The following ELMO1 variants were observed in gnomAD, a reference collection of about 807,000 sequenced individuals.
The protein encoded by ELMO1 is engulfment and cell motility protein 1.
ELMO1 carries 26 observed loss-of-function variants against 98.9 expected under a neutral mutation model. That is an observed-to-expected ratio of 0.26 (90% CI 0.19 to 0.36). ELMO1 has a LOEUF of 0.36. Among genes scored for constraint, ELMO1 ranks in the 10% least tolerant of loss-of-function variants. The pLI is 1.00. For missense variants in ELMO1, 627 were observed against 935.2 expected, an observed-to-expected ratio of 0.67 and a Z score of 4.30; for synonymous variants, 346 against 346.0, an observed-to-expected ratio of 1.00 and a Z score of 0.00.
At chr7:37,025,240 A>C (rs1203613043) in intron 15 of ELMO1, among the ~76,000 whole-genome samples, 3 of 152,222 alleles carry the variant, frequency 2.0e-5, no homozygotes, top group Admixed American at 1.3e-4. Context: ...AACAACAATG[A>C]AAAAATTTTT....
chr7:36,869,444 T>A (rs909276296), intron 20 of ELMO1, among the ~76,000 whole-genome samples: 1 of 152,164 alleles, frequency 6.6e-6, no homozygotes, highest in Admixed American at 6.5e-5. Flanking sequence ...AATTACACAG[T>A]GGAAACTATT....
At chr7:37,065,179 C>G (rs1013111439) in intron 15 of ELMO1, among the ~76,000 whole-genome samples, 2 of 151,508 alleles carry the variant, frequency 1.3e-5, no homozygotes, top group African/African-American at 4.9e-5. Flanking sequence ...TCATGGCTAC[C>G]CCCACCCTTT....
chr7:37,240,380 T>C (rs563213449), intron 7 of ELMO1, among the ~76,000 whole-genome samples: 56 of 152,338 alleles, frequency 3.7e-4, no homozygotes, highest in African/African-American at 1.3e-3. Context: ...GTATGATTTG[T>C]AGTGATATTC....
chr7:36,957,194 T>C (rs1247479344), intron 16 of ELMO1, among the ~76,000 whole-genome samples: 1 of 152,212 alleles, frequency 6.6e-6, no homozygotes, highest in Non-Finnish European at 1.5e-5. Context: ...AGTCGCTGAG[T>C]GGTGATTTCC....
chr7:37,033,508 A>G (rs1050446695), intron 15 of ELMO1: 1 of 406,212 alleles, frequency 2.5e-6, no homozygotes, highest in Non-Finnish European at 4.9e-6. Flanking sequence ...AAAAAAAAAT[A>G]CACCAAACAG....
intron 17 of ELMO1, among the ~76,000 whole-genome samples, chr7:36,892,172 G>T (rs561308304): frequency 6.6e-6 from 1 of 152,278 alleles, no homozygotes; most frequent in East Asian, 1.9e-4. Context: ...CAAGTGGTCT[G>T]CATGGAGCTG....
At chr7:37,091,327 G>C (rs1009070605) in intron 15 of ELMO1, among the ~76,000 whole-genome samples, 1 of 152,032 alleles carries the variant, frequency 6.6e-6, no homozygotes, top group Non-Finnish European at 1.5e-5. Flanking sequence ...GGCTGGTCTC[G>C]AACTCCTGAC....
At chr7:37,149,342 G>T (rs1252132435) in intron 13 of ELMO1, among the ~76,000 whole-genome samples, 1 of 152,164 alleles carries the variant, frequency 6.6e-6, no homozygotes, top group Non-Finnish European at 1.5e-5. Context: ...CAATTGTGGG[G>T]GTAGGAGCCA....
At chr7:37,126,948 A>G (rs1786563346) in intron 14 of ELMO1, among the ~76,000 whole-genome samples, 1 of 152,224 alleles carries the variant, frequency 6.6e-6, no homozygotes, top group Admixed American at 6.5e-5. Context: ...GATGTAATCA[A>G]TAATAGAAAC....
intron 1 of ELMO1, chr7:37,435,278 C>A (rs1175438563): frequency 1.3e-5 from 2 of 152,188 alleles, no homozygotes; most frequent in East Asian, 3.8e-4. Flanking sequence ...AATCCAGGCA[C>A]ACAGTAGCAA....
chr7:37,245,902 A>C (rs1026877946), intron 6 of ELMO1, among the ~76,000 whole-genome samples: 1 of 152,232 alleles, frequency 6.6e-6, no homozygotes, highest in African/African-American at 2.4e-5. Context: ...AATCAATAAT[A>C]ATAGTGATAG....
chr7:37,029,481 AAAACC>A (rs1221485734), intron 15 of ELMO1, among the ~76,000 whole-genome samples: 2 of 152,280 alleles, frequency 1.3e-5, no homozygotes, highest in African/African-American at 4.8e-5. Context: ...AAAGAGCCTC[AAAACC>A]AAACCAAAAC....
chr7:36,943,356 C>G (rs906812497), intron 16 of ELMO1, among the ~76,000 whole-genome samples: 1 of 152,148 alleles, frequency 6.6e-6, no homozygotes, highest in African/African-American at 2.4e-5. Flanking sequence ...TTTCCCCTAC[C>G]TTTTGTAAGC....
At chr7:36,907,392 G>C (rs1784040259) in intron 16 of ELMO1, among the ~76,000 whole-genome samples, 1 of 152,152 alleles carries the variant, frequency 6.6e-6, no homozygotes, top group African/African-American at 2.4e-5. Flanking sequence ...GCAGAAGAGT[G>C]CTTTCCAAAG....
chr7:37,272,394 G>A (rs538598173), intron 4 of ELMO1, among the ~76,000 whole-genome samples: 32 of 152,366 alleles, frequency 2.1e-4, no homozygotes, highest in Middle Eastern at 3.4e-3. Context: ...AGGGCCAGGC[G>A]TGGTGGCTCA....
At chr7:37,422,674 C>T (rs1007154475) in intron 1 of ELMO1, among the ~76,000 whole-genome samples, 5 of 152,142 alleles carry the variant, frequency 3.3e-5, no homozygotes, top group African/African-American at 1.2e-4. Context: ...GAAAAAAAAG[C>T]GTTTTAAAAC....
At chr7:36,965,166 T>C (rs557545415) in intron 16 of ELMO1, among the ~76,000 whole-genome samples, 114 of 152,228 alleles carry the variant, frequency 7.5e-4, no homozygotes, top group African/African-American at 2.5e-3. Flanking sequence ...CCATGAGTTC[T>C]CTCCCTAAGA....
At chr7:36,901,782 T>A (rs1050487871) in intron 16 of ELMO1, among the ~76,000 whole-genome samples, 5 of 151,964 alleles carry the variant, frequency 3.3e-5, no homozygotes, top group African/African-American at 1.2e-4. Context: ...TGAATCACAG[T>A]CCTAGACATC....
chr7:37,242,523 T>A (rs1794812274), intron 7 of ELMO1, among the ~76,000 whole-genome samples: 1 of 152,186 alleles, frequency 6.6e-6, no homozygotes, highest in African/African-American at 2.4e-5. Context: ...TTTTATTATA[T>A]ACTGGATATT....
Sources: allele counts gnomAD v4.1 joint callset (sites outside exome capture counted in the v4.1 genomes callset), GRCh38; gene constraint gnomAD v4.1.1; transcripts MANE v1.5; gene names NCBI Gene and HGNC (gene_info 2026-07-23, HGNC 2026-07-21).